Variants in PCMTD1 observed in about 807,000 individuals in gnomAD.
PCMTD1 encodes protein-L-isoaspartate O-methyltransferase domain-containing protein 1.
A neutral mutation model predicts 37.6 loss-of-function variants in PCMTD1; 12 were observed. That is an observed-to-expected ratio of 0.32 (90% CI 0.20 to 0.52). The LOEUF (loss-of-function observed/expected upper bound fraction) is 0.52. PCMTD1 is among the 20% of genes least tolerant of loss of function. The probability of loss-of-function intolerance (pLI) is 0.97; values close to 1 mark genes in which losing one functional copy is unlikely to be tolerated. For missense variants in PCMTD1, 235 were observed against 421.3 expected, an observed-to-expected ratio of 0.56 and a Z score of 3.87; for synonymous variants, 117 against 135.8, an observed-to-expected ratio of 0.86 and a Z score of 0.96.
chr8:51,881,589 T>C (rs2038793396), intron 1 of PCMTD1, among the ~76,000 whole-genome samples: 1 of 152,194 alleles, frequency 6.6e-6, no homozygotes, highest in Admixed American at 6.5e-5. Flanking sequence ...GCCCAACAGA[T>C]CTGATTTTGT....
At chr8:51,861,619 G>C (rs531089669) in intron 1 of PCMTD1, among the ~76,000 whole-genome samples, 1 of 152,218 alleles carries the variant, frequency 6.6e-6, no homozygotes, top group East Asian at 1.9e-4. Flanking sequence ...GTGTTTAATA[G>C]CTACTTGTAG....
In PCMTD1 at chr8:51,831,677, A is replaced by G. The variant is rs1040090461; in HGVS notation, c.583-110T>C. ...AACAACTGCCAGTTAGAGCTACACA[A>G]TCACTTAAATGTAAATGTGACCAAA... On this transcript the variant is annotated intron_variant, in intron 4 of 5. Coordinates refer to ENST00000522514, the MANE Select transcript of PCMTD1 (RefSeq NM_052937.4). 6 of 1,054,130 alleles carry G rather than the reference A, an allele frequency of 5.7e-6. No homozygotes were observed. In the South Asian group the frequency reaches 5.9e-5, roughly 10 times the overall value. The allele number at this position is 1,054,130 out of a possible 1,614,324, so 65.3% of individuals were successfully genotyped here. A position where few individuals can be genotyped will look rare whatever the true frequency, so the allele number is the denominator to read the frequency against.
chr8:51,852,814 T>G (rs756463949), intron 2 of PCMTD1, among the ~76,000 whole-genome samples: 2 of 152,218 alleles, frequency 1.3e-5, no homozygotes, highest in Non-Finnish European at 2.9e-5. Context: ...AAAAAAGTAC[T>G]CTTCACTAAG....
rs560530773 is a variant in PCMTD1 at position 51,850,542 on chromosome 8, C to G, written c.308-4779G>C. The stretch of plus-strand genomic sequence containing the variant: ...ACTGGGGCTGAGCAGTACTAGCCAC[C>G]CCTCCTAATTATGATAAAGCCCCAT... On this transcript the variant is annotated intron_variant, in intron 2 of 5. Coordinates refer to ENST00000522514, the MANE Select transcript of PCMTD1 (RefSeq NM_052937.4). Among the ~76,000 whole-genome samples the G allele has an allele frequency of 9.9e-5, 15 of 152,196 alleles. No homozygotes were observed. In the South Asian group the frequency reaches 3.1e-3, roughly 32 times the overall value.
In PCMTD1 at chr8:51,831,313, T is replaced by G. The variant is rs1277995436; in HGVS notation, c.706+131A>C. 3 of 980,676 alleles carry G rather than the reference T, an allele frequency of 3.1e-6. No homozygotes were observed. In the South Asian group the frequency reaches 6.2e-5, roughly 20 times the overall value. 60.7% of individuals were successfully genotyped at this position (980,676 alleles called of 1,614,324 possible). A position where few individuals can be genotyped will look rare whatever the true frequency, so the allele number is the denominator to read the frequency against. On this transcript the variant is annotated intron_variant, in intron 5 of 5. Coordinates refer to ENST00000522514, the MANE Select transcript of PCMTD1 (RefSeq NM_052937.4). ...ACTGTCTCCAAAAAAAAAAAAAAAG[T>G]TGAATAAATCCACCAAATATCTTAC...
At chr8:51,897,020 A>T (rs2039011677) in intron 1 of PCMTD1, among the ~76,000 whole-genome samples, 1 of 152,212 alleles carries the variant, frequency 6.6e-6, no homozygotes, top group Admixed American at 6.5e-5. Flanking sequence ...AAAATAACTA[A>T]AATGTCATGG....
intron 5 of PCMTD1, 47 bp from the exon 6 acceptor site, chr8:51,820,765 CAT>C: frequency 6.9e-7 from 1 of 1,449,338 alleles, no homozygotes; most frequent in Non-Finnish European, 9.1e-7. Context: ...AACAATAAAA[CAT>C]TATCTATTGT....
chr8:51,830,037 C>T (rs2037977416), intron 5 of PCMTD1, among the ~76,000 whole-genome samples: 1 of 152,156 alleles, frequency 6.6e-6, no homozygotes, highest in Non-Finnish European at 1.5e-5. Context: ...TTCAAGCTCT[C>T]ATTTGCCCCA....
rs1426903951 is a variant in PCMTD1 at position 51,817,871 on chromosome 8, T to C, written c.*2480A>G. 4.4e-6 allele frequency: 2 copies of C among 456,810 alleles called. No homozygotes were observed. Among genetic ancestry groups the C allele is most frequent in the South Asian group, 1.5e-5 (1 of 64,572 alleles). The allele number at this position is 456,810 out of a possible 1,614,324, so 28.3% of individuals were successfully genotyped here. A position where few individuals can be genotyped will look rare whatever the true frequency, so the allele number is the denominator to read the frequency against. ...TAGAAGCTATCTTAGGCCCTGTCTC[T>C]AACTCACTGTATGTTTCAGGCAAAA... On this transcript the variant is annotated 3_prime_UTR_variant, in exon 6 of 6. Transcript: ENST00000522514.
intron 2 of PCMTD1, among the ~76,000 whole-genome samples, chr8:51,856,711 T>C (rs970126446): frequency 1.3e-5 from 2 of 152,216 alleles, no homozygotes; most frequent in African/African-American, 2.4e-5. Flanking sequence ...ACAGCATGGA[T>C]GAACCCTGAA....
At chr8:51,840,442 A>G (rs9298463) in intron 3 of PCMTD1, among the ~76,000 whole-genome samples, 104,404 of 152,084 alleles carry the variant, frequency 0.69, 42,341 homozygotes, top group Non-Finnish European at 0.9. Flanking sequence ...ATGTATTTAC[A>G]TATCTGTCAT....
At chr8:51,862,863 T>A (rs919272976) in intron 1 of PCMTD1, among the ~76,000 whole-genome samples, 2 of 152,194 alleles carry the variant, frequency 1.3e-5, no homozygotes, top group Non-Finnish European at 2.9e-5. Flanking sequence ...CTCTAGCACC[T>A]TCAGTCCTCA....
At position 51,854,949 on chromosome 8, in the gene PCMTD1, T is replaced by C. The variant is rs142410297; in HGVS notation, c.307+5896A>G. ...AAGCACTTTGGGAGGCCAAGGAGGG[T>C]GGATCACCCGAAGTCGGGAGTTCGA... On this transcript the variant is annotated intron_variant, in intron 2 of 5. Coordinates refer to ENST00000522514, the MANE Select transcript of PCMTD1 (RefSeq NM_052937.4). Among the ~76,000 whole-genome samples, 103 of 135,880 alleles carry C rather than the reference T, an allele frequency of 7.6e-4. 1 individual carries two copies. Among genetic ancestry groups the C allele is most frequent in the African/African-American group, 2.7e-3 (98 of 35,750 alleles). 89.1% of individuals were successfully genotyped at this position (135,880 alleles called of 152,430 possible).
intron 1 of PCMTD1, among the ~76,000 whole-genome samples, chr8:51,864,698 T>C (rs1005802036): frequency 2.6e-5 from 4 of 152,162 alleles, no homozygotes; most frequent in Admixed American, 6.5e-5. Context: ...CCATAACTTA[T>C]GAGATGCATC....
chr8:51,895,799 A>ACG (rs2038991291), intron 1 of PCMTD1, among the ~76,000 whole-genome samples: 1 of 152,230 alleles, frequency 6.6e-6, no homozygotes, highest in Non-Finnish European at 1.5e-5. Flanking sequence ...AATGGCAGAT[A>ACG]CGCCATTTAG....
At chr8:51,841,492 C>T (rs1046021153) in intron 3 of PCMTD1, among the ~76,000 whole-genome samples, 5 of 152,050 alleles carry the variant, frequency 3.3e-5, no homozygotes, top group South Asian at 2.1e-4. Flanking sequence ...TAATGCTTTA[C>T]GAGAAAATGG....
At chr8:51,847,209 TAA>T (rs1189076748) in intron 2 of PCMTD1, among the ~76,000 whole-genome samples, 2 of 152,170 alleles carry the variant, frequency 1.3e-5, no homozygotes, top group Admixed American at 6.5e-5. Flanking sequence ...GCCAAAAAAT[TAA>T]ACTTAGAAAA....
At position 51,820,327 on chromosome 8, in the gene PCMTD1, A is replaced by C; in HGVS notation, c.*24T>G. 1.3e-6 allele frequency: 2 copies of C among 1,519,424 alleles called. No individual in the cohort carries two copies. The highest frequency in any genetic ancestry group is 1.8e-6 in the Non-Finnish European group (2 of 1,137,918). The allele number at this position is 1,519,424 out of a possible 1,614,324, so 94.1% of individuals were successfully genotyped here. A position where few individuals can be genotyped will look rare whatever the true frequency, so the allele number is the denominator to read the frequency against. On this transcript the variant is annotated 3_prime_UTR_variant, in exon 6 of 6. Coordinates refer to ENST00000522514, the MANE Select transcript of PCMTD1 (RefSeq NM_052937.4). ...TTTCAAGACTAAAGGAATTATCAGT[A>C]GGCATTTTTCTTCTTGATCTAAGTT...
chr8:51,870,152 A>T (rs1265539833), intron 1 of PCMTD1: 1 of 152,236 alleles, frequency 6.6e-6, no homozygotes, highest in African/African-American at 2.4e-5. Flanking sequence ...CTTTCCTCCT[A>T]GCACCCAGAG....
Sources: allele counts gnomAD v4.1 joint callset (sites outside exome capture counted in the v4.1 genomes callset), GRCh38; gene constraint gnomAD v4.1.1; transcripts MANE v1.5; gene names NCBI Gene and HGNC (gene_info 2026-07-23, HGNC 2026-07-21).